SYT9: variants seen among roughly 807,000 people sequenced by gnomAD.
SYT9 encodes the protein synaptotagmin-9.
A neutral mutation model predicts 48.4 loss-of-function variants in SYT9; 22 were observed. The observed-to-expected ratio is 0.45, with a 90% CI of 0.32 to 0.65. SYT9 has a LOEUF of 0.65. SYT9 is among the 30% of genes least tolerant of loss of function. The pLI is 0.03. For missense variants in SYT9, 577 were observed against 622.0 expected (o/e 0.93, Z 0.77); for synonymous variants, 265 against 245.0 (o/e 1.08, Z -0.76).
intron 3 of SYT9, among the ~76,000 whole-genome samples, chr11:7,353,221 C>A (rs140279686): frequency 6.6e-6 from 1 of 152,050 alleles, no homozygotes; most frequent in Non-Finnish European, 1.5e-5. Context: ...GCAAGAGGAA[C>A]GGGGTTTTTT....
At chr11:7,307,280 C>T (rs1481432568) in intron 2 of SYT9, among the ~76,000 whole-genome samples, 3 of 152,146 alleles carry the variant, frequency 2.0e-5, no homozygotes, top group African/African-American at 4.8e-5. Flanking sequence ...ATGAGTAGCA[C>T]ATTTCTATTA....
chr11:7,346,013 G>A (rs773616351), intron 3 of SYT9, among the ~76,000 whole-genome samples: 1 of 152,214 alleles, frequency 6.6e-6, no homozygotes, highest in African/African-American at 2.4e-5. Context: ...CTGAGAGAGT[G>A]ACAAAGCTAC....
chr11:7,258,762 T>G (rs1848024399), intron 1 of SYT9, among the ~76,000 whole-genome samples: 1 of 152,092 alleles, frequency 6.6e-6, no homozygotes, highest in African/African-American at 2.4e-5. Context: ...ATCAATAAAT[T>G]GATGTTGTTG....
chr11:7,262,346 G>T (rs573669473), intron 1 of SYT9, among the ~76,000 whole-genome samples: 1 of 152,092 alleles, frequency 6.6e-6, no homozygotes, highest in Non-Finnish European at 1.5e-5. Context: ...CAGACTAGCC[G>T]TCTGGATATA....
chr11:7,295,729 T>A (rs1848791694), intron 1 of SYT9, among the ~76,000 whole-genome samples: 2 of 152,188 alleles, frequency 1.3e-5, no homozygotes, highest in Non-Finnish European at 2.9e-5. Context: ...AATTTCTGTG[T>A]CTTATGAAAA....
chr11:7,367,423 G>A (rs1190156123), intron 3 of SYT9, among the ~76,000 whole-genome samples: 1 of 151,844 alleles, frequency 6.6e-6, no homozygotes, highest in Non-Finnish European at 1.5e-5. Flanking sequence ...TTTTGCTTTA[G>A]TTGTTATAGT....
intron 3 of SYT9, among the ~76,000 whole-genome samples, chr11:7,366,603 T>A (rs1357671831): frequency 1.3e-5 from 2 of 152,326 alleles, no homozygotes; most frequent in African/African-American, 4.8e-5. Flanking sequence ...TTATTATTAT[T>A]CCATTTCATG....
At chr11:7,413,357 A>G (rs146645819) in intron 3 of SYT9, among the ~76,000 whole-genome samples, 1 of 152,300 alleles carries the variant, frequency 6.6e-6, no homozygotes, top group East Asian at 1.9e-4. Flanking sequence ...TCAGAATGTC[A>G]CTGTGCTGCT....
At chr11:7,360,923 G>A (rs1249273767) in intron 3 of SYT9, among the ~76,000 whole-genome samples, 1 of 152,094 alleles carries the variant, frequency 6.6e-6, no homozygotes, top group Non-Finnish European at 1.5e-5. Flanking sequence ...TGATTCTGAC[G>A]TTGGTAACTG....
At chr11:7,461,526 C>T (rs1172548008) in intron 6 of SYT9, among the ~76,000 whole-genome samples, 1 of 152,114 alleles carries the variant, frequency 6.6e-6, no homozygotes, top group Non-Finnish European at 1.5e-5. Flanking sequence ...GCACCCACCA[C>T]TACACCCAGC....
chr11:7,282,522 A>G (rs921050939), intron 1 of SYT9, among the ~76,000 whole-genome samples: 1 of 152,196 alleles, frequency 6.6e-6, no homozygotes, highest in African/African-American at 2.4e-5. Context: ...ATGTCAGGTT[A>G]GGAACTCCAG....
intron 2 of SYT9, among the ~76,000 whole-genome samples, chr11:7,306,303 C>T (rs1849029646): frequency 6.6e-6 from 1 of 152,196 alleles, no homozygotes; most frequent in African/African-American, 2.4e-5. Flanking sequence ...GATGAAAGTT[C>T]ATCCTATTTT....
At chr11:7,323,974 T>C (rs1252175777) in intron 3 of SYT9, among the ~76,000 whole-genome samples, 1 of 151,942 alleles carries the variant, frequency 6.6e-6, no homozygotes, top group Non-Finnish European at 1.5e-5. Context: ...CTTTTCCTAG[T>C]CTCTTAAAGA....
At chr11:7,401,885 T>C (rs189889218) in intron 3 of SYT9, among the ~76,000 whole-genome samples, 8 of 152,032 alleles carry the variant, frequency 5.3e-5, no homozygotes, top group Non-Finnish European at 1.2e-4. Flanking sequence ...ATCTCCTTTT[T>C]GTTTCATTTT....
chr11:7,389,854 A>G (rs1254033954), intron 3 of SYT9, among the ~76,000 whole-genome samples: 2 of 152,184 alleles, frequency 1.3e-5, no homozygotes, highest in Non-Finnish European at 2.9e-5. Context: ...CTACATAAGA[A>G]TGGCATCAAA....
chr11:7,388,185 C>T (rs1369311612), intron 3 of SYT9, among the ~76,000 whole-genome samples: 1 of 152,136 alleles, frequency 6.6e-6, no homozygotes, highest in African/African-American at 2.4e-5. Flanking sequence ...CTTAATGAGA[C>T]ATAGACATTC....
At chr11:7,375,971 C>T (rs1425945413) in intron 3 of SYT9, among the ~76,000 whole-genome samples, 1 of 152,066 alleles carries the variant, frequency 6.6e-6, no homozygotes, top group Non-Finnish European at 1.5e-5. Flanking sequence ...TCTTCCCTGA[C>T]CATCCTGCTT....
rs551650292 is a variant in SYT9 at position 7,351,041 on chromosome 11, T to C, written c.1044+37100T>C. Among the ~76,000 whole-genome samples the C allele has an allele frequency of 2.4e-4, 37 of 152,212 alleles. 1 individual carries two copies. In the South Asian group the frequency reaches 7.5e-3, roughly 31 times the overall value. On this transcript the variant is annotated intron_variant, in intron 3 of 6. Coordinates refer to ENST00000318881, the MANE Select transcript of SYT9 (RefSeq NM_175733.4). Reference sequence around the variant, plus strand: ...TGTCATGATTTTGTCTTAAAAAAAGTCAAGATCAAAGCGGCCAGCTAATAA... The same window carrying C: ...TGTCATGATTTTGTCTTAAAAAAAGCCAAGATCAAAGCGGCCAGCTAATAA...
intron 1 of SYT9, among the ~76,000 whole-genome samples, chr11:7,245,886 T>G (rs915590154): frequency 6.6e-6 from 1 of 152,212 alleles, no homozygotes; most frequent in Non-Finnish European, 1.5e-5. Flanking sequence ...TCTGGGATGC[T>G]CTTTACGAAA....
Sources: gnomAD v4.1 joint callset for allele counts (sites outside exome capture counted in the v4.1 genomes callset) on GRCh38, gnomAD v4.1.1 for gene constraint, MANE v1.5 for transcripts, NCBI Gene and HGNC (gene_info 2026-07-23, HGNC 2026-07-21) for gene names.